The following SYT14 variants were observed in gnomAD, a reference collection of about 807,000 sequenced individuals.
The protein encoded by SYT14 is synaptotagmin 14.
In SYT14, 32 loss-of-function variants were observed where a neutral mutation model predicts 74.2. The ratio of observed to expected loss-of-function variants is 0.43; its 90% CI spans 0.33 to 0.58. SYT14 has a LOEUF of 0.58. SYT14 is among the 20% of genes least tolerant of loss of function. The pLI, the probability that SYT14 is intolerant of heterozygous loss-of-function variation, is 0.05. For synonymous variants in SYT14, 298 were observed against 337.7 expected (o/e 0.88, Z 1.29); for missense variants, 791 against 981.8 (o/e 0.81, Z 2.60).
At chr1:210,055,187 G>C (rs2081072532) in intron 5 of SYT14, among the ~76,000 whole-genome samples, 1 of 152,126 alleles carries the variant, frequency 6.6e-6, no homozygotes, top group Non-Finnish European at 1.5e-5. Context: ...TGTCTTCAGT[G>C]ATTATTATCT....
chr1:209,971,594 AG>A (rs890941918), intron 2 of SYT14, among the ~76,000 whole-genome samples: 1 of 152,176 alleles, frequency 6.6e-6, no homozygotes, highest in Non-Finnish European at 1.5e-5. Context: ...TTTATCACAA[AG>A]GGATGTTGGA....
At chr1:210,090,462 G>A (rs2081844249) in intron 5 of SYT14, among the ~76,000 whole-genome samples, 1 of 151,952 alleles carries the variant, frequency 6.6e-6, no homozygotes, top group African/African-American at 2.4e-5. Context: ...AGAACCACAG[G>A]TCATATTCCG....
At chr1:210,132,815 C>T (rs896210426) in intron 7 of SYT14, among the ~76,000 whole-genome samples, 1 of 152,230 alleles carries the variant, frequency 6.6e-6, no homozygotes, top group East Asian at 1.9e-4. Flanking sequence ...TCCCTAGCCT[C>T]TCTTCTGGAT....
At chr1:210,077,449 A>C (rs934233238) in intron 5 of SYT14, among the ~76,000 whole-genome samples, 2 of 152,240 alleles carry the variant, frequency 1.3e-5, no homozygotes, top group Non-Finnish European at 2.9e-5. Context: ...AAATAGTATT[A>C]AATTGTATAG....
At chr1:209,991,432 C>A (rs558274780) in intron 2 of SYT14, among the ~76,000 whole-genome samples, 1 of 152,128 alleles carries the variant, frequency 6.6e-6, no homozygotes, top group African/African-American at 2.4e-5. Context: ...ACAACTCAAC[C>A]AAAATCCCTC....
intron 5 of SYT14, among the ~76,000 whole-genome samples, chr1:210,028,682 A>G (rs1033998854): frequency 2.0e-5 from 3 of 152,170 alleles, no homozygotes; most frequent in African/African-American, 7.2e-5. Context: ...ATTGGGGGAC[A>G]CTTGAATTGC....
intron 7 of SYT14, among the ~76,000 whole-genome samples, chr1:210,116,245 G>A (rs1332513941): frequency 6.6e-6 from 1 of 152,282 alleles, no homozygotes; most frequent in Non-Finnish European, 1.5e-5. Flanking sequence ...GAATGGATGG[G>A]TGAATAAGTT....
At chr1:210,132,370 C>T (rs1034672330) in intron 7 of SYT14, among the ~76,000 whole-genome samples, 2 of 152,118 alleles carry the variant, frequency 1.3e-5, no homozygotes, top group African/African-American at 4.8e-5. Flanking sequence ...ACACCCTCCT[C>T]ACCCTGCTTG....
In SYT14 at chr1:210,158,149, TTGAG is replaced by T. The variant is rs2083304798; in HGVS notation, c.2225-1269_2225-1266del. Reference sequence around the variant, plus strand: ...CCCTTTCTCATTTCAGAAGGAGAAATTGAGTGGGAGAAAAGAAGCAATTTCTAGA... The same window carrying T: ...CCCTTTCTCATTTCAGAAGGAGAAATTGGGAGAAAAGAAGCAATTTCTAGA... On this transcript the variant is annotated intron_variant, in intron 8 of 9. Coordinates refer to ENST00000637265, the Ensembl canonical transcript of SYT14. Among the ~76,000 whole-genome samples, 3 of 152,060 alleles carry T rather than the reference TTGAG, an allele frequency of 2.0e-5. No individual in the cohort carries two copies. The South Asian group carries it at 6.2e-4, about 32-fold the overall frequency.
intron 5 of SYT14, among the ~76,000 whole-genome samples, chr1:210,028,676 G>A (rs1197935684): frequency 2.0e-5 from 3 of 152,078 alleles, no homozygotes; most frequent in East Asian, 1.9e-4. Flanking sequence ...TTATCCATTG[G>A]GGGACACTTG....
intron 2 of SYT14, among the ~76,000 whole-genome samples, chr1:209,979,581 C>T (rs996450095): frequency 1.4e-4 from 21 of 152,124 alleles, no homozygotes; most frequent in East Asian, 5.8e-4. Flanking sequence ...ATTAGCTATT[C>T]GTCTTGGTGC....
intron 7 of SYT14, among the ~76,000 whole-genome samples, chr1:210,123,392 A>G (rs2082505660): frequency 6.6e-6 from 1 of 152,208 alleles, no homozygotes; most frequent in Non-Finnish European, 1.5e-5. Context: ...ACACAGAAGG[A>G]GAGAACTAAT....
chr1:210,106,693 G>C (rs1390832734), intron 7 of SYT14, among the ~76,000 whole-genome samples: 1 of 152,126 alleles, frequency 6.6e-6, no homozygotes, highest in Non-Finnish European at 1.5e-5. Context: ...TGTCCCACAG[G>C]GTTCCTCCCA....
chr1:210,153,530 A>G lies in SYT14; in HGVS notation c.2035-2191A>G, dbSNP rs540915526. ...ATTTATTCCTACATATTTTATATTT[A>G]AATGCCATAATAAATGATATTTTAA... On this transcript the variant is annotated intron_variant, in intron 7 of 9. Transcript: ENST00000637265. 3.9e-5 allele frequency among the ~76,000 whole-genome samples: 6 copies of G among 152,262 alleles called. No homozygotes were observed. The East Asian group carries it at 1.2e-3, about 29-fold the overall frequency.
chr1:210,103,324 G>T (rs1195509420), intron 7 of SYT14, among the ~76,000 whole-genome samples: 4 of 151,974 alleles, frequency 2.6e-5, no homozygotes, highest in African/African-American at 9.7e-5. Context: ...GCCGAGGTGG[G>T]CAGATCATGA....
chr1:210,163,358 T>C (rs1046989239), exon 10 of SYT14: 1 of 453,598 alleles, frequency 2.2e-6, no homozygotes, highest in African/African-American at 2.0e-5. Flanking sequence ...GCTTAAAAAT[T>C]AATAAACAGT....
chr1:210,089,887 A>G (rs2081828714), intron 5 of SYT14, among the ~76,000 whole-genome samples: 1 of 152,262 alleles, frequency 6.6e-6, no homozygotes, highest in Non-Finnish European at 1.5e-5. Context: ...TACACTCCAC[A>G]GAGCAGCCCA....
intron 7 of SYT14, among the ~76,000 whole-genome samples, chr1:210,129,827 G>A (rs1212076151): frequency 6.6e-6 from 1 of 152,138 alleles, no homozygotes; most frequent in Non-Finnish European, 1.5e-5. Context: ...ACACTAGAAT[G>A]AGTTGGAGAG....
At chr1:209,996,155 A>G (rs532281660) in intron 2 of SYT14, among the ~76,000 whole-genome samples, 1 of 152,272 alleles carries the variant, frequency 6.6e-6, no homozygotes, top group South Asian at 2.1e-4. Flanking sequence ...AAATTGAGCT[A>G]CAATAATCCA....
Sources: allele counts gnomAD v4.1 joint callset (sites outside exome capture counted in the v4.1 genomes callset), GRCh38; gene constraint gnomAD v4.1.1; transcripts MANE v1.5; gene names NCBI Gene and HGNC (gene_info 2026-07-23, HGNC 2026-07-21).